The following LHFPL2 variants were observed in gnomAD, a reference collection of about 807,000 sequenced individuals.
LHFPL2 encodes LHFPL tetraspan subfamily member 2, also known as LHFPL tetraspan subfamily member 2 protein.
LHFPL2 carries 7 observed loss-of-function variants against 17.5 expected under a neutral mutation model. The ratio of observed to expected loss-of-function variants is 0.40; its 90% confidence interval spans 0.23 to 0.75. The LOEUF is 0.75. Among genes scored for constraint, LHFPL2 ranks in the 30% least tolerant of loss-of-function variants. The pLI, the probability that LHFPL2 is intolerant of heterozygous loss-of-function variation, is 0.37. For missense variants in LHFPL2, 241 were observed against 294.8 expected (o/e 0.82, Z 1.34); for synonymous variants, 134 against 116.2 (o/e 1.15, Z -0.99).
At chr5:78,501,868 C>T (rs1288037628) in intron 4 of LHFPL2, among the ~76,000 whole-genome samples, 2 of 152,162 alleles carry the variant, frequency 1.3e-5, no homozygotes, top group Non-Finnish European at 2.9e-5. Flanking sequence ...TGAATGACTA[C>T]AGCATCTTTG....
chr5:78,584,642 C>G (rs1327514283), intron 2 of LHFPL2, among the ~76,000 whole-genome samples: 2 of 152,180 alleles, frequency 1.3e-5, no homozygotes, highest in African/African-American at 4.8e-5. Context: ...TCTGCCCGTT[C>G]TCAGATCTCC....
chr5:78,490,956 T>C (rs866609733), intron 4 of LHFPL2: 1 of 152,304 alleles, frequency 6.6e-6, no homozygotes, highest in South Asian at 2.1e-4. Flanking sequence ...TAACTGAAAT[T>C]CTCTGGGTTT....
At chr5:78,637,459 C>A (rs1250225276) in intron 1 of LHFPL2, among the ~76,000 whole-genome samples, 1 of 152,134 alleles carries the variant, frequency 6.6e-6, no homozygotes, top group Non-Finnish European at 1.5e-5. Flanking sequence ...AACCTCCCTG[C>A]CCTAAAGGAT....
intron 3 of LHFPL2, among the ~76,000 whole-genome samples, chr5:78,544,323 A>G (rs778028297): frequency 6.6e-6 from 1 of 152,204 alleles, no homozygotes. Flanking sequence ...ATAAATATCT[A>G]TTGCACGACA....
intron 1 of LHFPL2, among the ~76,000 whole-genome samples, chr5:78,636,711 C>T (rs776384252): frequency 5.9e-5 from 9 of 152,060 alleles, no homozygotes; most frequent in Non-Finnish European, 1.0e-4. Flanking sequence ...AAAGACTTCT[C>T]TACAGAGGCC....
At chr5:78,530,918 A>C (rs75589026) in intron 3 of LHFPL2, among the ~76,000 whole-genome samples, 287 of 152,332 alleles carry the variant, frequency 1.9e-3, no homozygotes, top group African/African-American at 6.6e-3. Flanking sequence ...CAAGGATTTG[A>C]GTAAGCAGAG....
intron 3 of LHFPL2, among the ~76,000 whole-genome samples, chr5:78,551,944 A>G (rs1450095238): frequency 6.6e-6 from 1 of 152,180 alleles, no homozygotes; most frequent in African/African-American, 2.4e-5. Context: ...CACTCAAGCT[A>G]TTAGCATTAG....
chr5:78,511,189 T>C (rs1038371034), intron 3 of LHFPL2, among the ~76,000 whole-genome samples: 1 of 152,210 alleles, frequency 6.6e-6, no homozygotes, highest in African/African-American at 2.4e-5. Context: ...TAAGCATCAT[T>C]ACAACTGAGT....
At chr5:78,494,522 T>G in intron 4 of LHFPL2, 1 of 985,384 alleles carries the variant, frequency 1.0e-6, no homozygotes, top group Non-Finnish European at 1.2e-6. Flanking sequence ...ATCACATGAT[T>G]CAACCTTATC....
chr5:78,520,682 A>G (rs1335151699), intron 3 of LHFPL2, among the ~76,000 whole-genome samples: 1 of 152,250 alleles, frequency 6.6e-6, no homozygotes, highest in Non-Finnish European at 1.5e-5. Context: ...GCCCTGGCCA[A>G]GGGTGGGAGC....
chr5:78,583,350 G>A (rs1328889964), intron 2 of LHFPL2, among the ~76,000 whole-genome samples: 5 of 151,818 alleles, frequency 3.3e-5, no homozygotes, highest in Admixed American at 1.3e-4. Context: ...GATTTTGCTC[G>A]TTAGTTGATG....
chr5:78,603,745 T>TA (rs965208825), intron 2 of LHFPL2, among the ~76,000 whole-genome samples: 1 of 152,146 alleles, frequency 6.6e-6, no homozygotes, highest in Non-Finnish European at 1.5e-5. Flanking sequence ...AAAAAATTTT[T>TA]AAAAAAACAC....
chr5:78,598,078 A>G (rs971786573), intron 2 of LHFPL2, among the ~76,000 whole-genome samples: 1 of 152,220 alleles, frequency 6.6e-6, no homozygotes, highest in Admixed American at 6.5e-5. Context: ...GATAGCAAAT[A>G]TAGGTTAAGG....
chr5:78,540,372 G>A (rs1756074427), intron 3 of LHFPL2, among the ~76,000 whole-genome samples: 1 of 152,162 alleles, frequency 6.6e-6, no homozygotes, highest in African/African-American at 2.4e-5. Flanking sequence ...CAAAACTGAT[G>A]GAAAAAACAT....
chr5:78,558,391 T>C (rs1244940568), intron 3 of LHFPL2, among the ~76,000 whole-genome samples: 1 of 152,162 alleles, frequency 6.6e-6, no homozygotes, highest in Non-Finnish European at 1.5e-5. Context: ...TCAGGAAGGA[T>C]CAGGAGGATT....
intron 2 of LHFPL2, among the ~76,000 whole-genome samples, chr5:78,589,197 G>A (rs780906827): frequency 2.0e-5 from 3 of 152,134 alleles, no homozygotes; most frequent in Non-Finnish European, 4.4e-5. Context: ...TTGGCCAGGC[G>A]CAGTGGCTCA....
At chr5:78,560,466 T>C (rs574261557) in intron 3 of LHFPL2, among the ~76,000 whole-genome samples, 1 of 152,326 alleles carries the variant, frequency 6.6e-6, no homozygotes, top group East Asian at 1.9e-4. Context: ...TCCCGGGGCA[T>C]AGCAGTATGT....
chr5:78,585,012 T>G lies in LHFPL2; in HGVS notation c.-244-20141A>C, dbSNP rs1437217225. Among the ~76,000 whole-genome samples, 4 of 55,126 alleles carry G rather than the reference T, an allele frequency of 7.3e-5. 1 individual carries two copies. The highest frequency in any genetic ancestry group is 5.1e-4 in the South Asian group (1 of 1,966). The allele number at this position is 55,126 out of a possible 152,430, so 36.2% of individuals were successfully genotyped here. ...TGCGCTGTGTTTTTTTTTTTTTTTT[T>G]TTTTTTTTTTTTGAGACGGAGTCTC... is the stretch of plus-strand genomic sequence containing the variant. On this transcript the variant is annotated intron_variant, in intron 2 of 4. Transcript: ENST00000380345.
intron 3 of LHFPL2, among the ~76,000 whole-genome samples, chr5:78,542,144 T>C (rs960169605): frequency 6.6e-6 from 1 of 152,132 alleles, no homozygotes; most frequent in African/African-American, 2.4e-5. Flanking sequence ...CATTAAGCTT[T>C]TGTCCAACTC....
Sources: gnomAD v4.1 joint callset for allele counts (sites outside exome capture counted in the v4.1 genomes callset) on GRCh38, gnomAD v4.1.1 for gene constraint, MANE v1.5 for transcripts, NCBI Gene and HGNC (gene_info 2026-07-23, HGNC 2026-07-21) for gene names.